The following COL5A2 variants were observed in gnomAD, a reference collection of about 807,000 sequenced individuals.
The protein encoded by COL5A2 is collagen alpha-2(V) chain.
In COL5A2, 23 loss-of-function variants were observed where a neutral mutation model predicts 208.2. That is an observed-to-expected ratio of 0.11 (90% confidence interval 0.08 to 0.16). The LOEUF (loss-of-function observed/expected upper bound fraction) is 0.16. COL5A2 is among the 10% of genes least tolerant of loss of function. COL5A2 has a pLI of 1.00. For missense variants in COL5A2, 1,590 were observed against 1,956.4 expected (o/e 0.81, Z 3.53); for synonymous variants, 625 against 628.5 (o/e 0.99, Z 0.08).
At chr2:189,259,703 G>C in the COL5A2 span, among the ~76,000 whole-genome samples, 114 of 152,318 alleles carry the variant, frequency 7.5e-4, 1 homozygote, top group Admixed American at 3.4e-3. Flanking sequence ...AGTAGACACA[G>C]ATACTAGGAG....
chr2:189,408,034 T>C, the COL5A2 span, among the ~76,000 whole-genome samples: 1 of 152,164 alleles, frequency 6.6e-6, no homozygotes, highest in Non-Finnish European at 1.5e-5. Flanking sequence ...CAAACCAAGA[T>C]TGAGTTGACT....
At chr2:189,198,827 G>C (rs1689038155) in intron 1 of COL5A2, among the ~76,000 whole-genome samples, 2 of 151,986 alleles carry the variant, frequency 1.3e-5, no homozygotes, top group Non-Finnish European at 2.9e-5. Flanking sequence ...CAACCTGAAA[G>C]GTAAACTAAA....
At chr2:189,247,174 G>T in the COL5A2 span, among the ~76,000 whole-genome samples, 1 of 152,138 alleles carries the variant, frequency 6.6e-6, no homozygotes, top group East Asian at 1.9e-4. Context: ...ACCAGTTGTG[G>T]CCTAAGAAGA....
At chr2:189,132,757 C>T (rs569883523) in intron 1 of COL5A2, among the ~76,000 whole-genome samples, 1 of 151,842 alleles carries the variant, frequency 6.6e-6, no homozygotes, top group East Asian at 2.0e-4. Context: ...CCCGTCTCTA[C>T]TAAAAATACA....
At chr2:189,212,506 G>A (rs1689226465) in intron 1 of COL5A2, among the ~76,000 whole-genome samples, 1 of 151,920 alleles carries the variant, frequency 6.6e-6, no homozygotes, top group African/African-American at 2.4e-5. Context: ...GGGCGTGGTG[G>A]TGGGCGCCTG....
the COL5A2 span, among the ~76,000 whole-genome samples, chr2:189,249,139 C>T: frequency 6.6e-6 from 1 of 152,214 alleles, no homozygotes; most frequent in Middle Eastern, 3.4e-3. Context: ...CATATATTAT[C>T]TCAGGATTAT....
the COL5A2 span, among the ~76,000 whole-genome samples, chr2:189,334,779 T>A: frequency 1.3e-5 from 2 of 151,952 alleles, no homozygotes; most frequent in African/African-American, 4.8e-5. Context: ...AAAGCAATGT[T>A]AAAAGAGAAC....
the COL5A2 span, among the ~76,000 whole-genome samples, chr2:189,440,987 G>A: frequency 6.6e-6 from 1 of 152,206 alleles, no homozygotes; most frequent in Non-Finnish European, 1.5e-5. Flanking sequence ...CGGCTAATGA[G>A]AGGAACAAAA....
intron 1 of COL5A2, among the ~76,000 whole-genome samples, chr2:189,133,585 G>C (rs1687768622): frequency 6.6e-6 from 1 of 152,138 alleles, no homozygotes. Context: ...GCTGCGAAAT[G>C]GAAAAAGGAA....
intron 2 of COL5A2, 151 bp from the exon 3 acceptor site, chr2:189,104,428 T>G (rs1434304329): frequency 7.9e-6 from 5 of 635,740 alleles, no homozygotes; most frequent in Non-Finnish European, 1.4e-5. Context: ...TTCAAAAGGT[T>G]TTGGATCAAT....
chr2:189,164,824 A>G (rs1209349276), intron 1 of COL5A2, among the ~76,000 whole-genome samples: 1 of 152,234 alleles, frequency 6.6e-6, no homozygotes, highest in Admixed American at 6.5e-5. Flanking sequence ...TCATGTTTAT[A>G]AAGAATTTAT....
At chr2:189,232,352 G>A in the COL5A2 span, among the ~76,000 whole-genome samples, 2 of 151,344 alleles carry the variant, frequency 1.3e-5, no homozygotes, top group Non-Finnish European at 2.9e-5. Context: ...ACCTCACATC[G>A]GGTAATAACA....
At chr2:189,416,627 G>C in the COL5A2 span, among the ~76,000 whole-genome samples, 1 of 152,024 alleles carries the variant, frequency 6.6e-6, no homozygotes, top group Non-Finnish European at 1.5e-5. Context: ...CGAGTTAATG[G>C]GTGCAGCACA....
In COL5A2 at chr2:189,085,658, T is replaced by C. The variant is rs549060899; in HGVS notation, c.744+61A>G. On this transcript the variant is annotated intron_variant, in intron 10 of 53. Transcript: ENST00000374866. The stretch of plus-strand genomic sequence containing the variant: ...CTGGGAAGATAAATAACTCAATATT[T>C]GACATCATTATAATGGTGGACCCAA... 76 of 1,381,796 alleles carry C rather than the reference T, an allele frequency of 5.5e-5. No individual in the cohort carries two copies. In the South Asian group the frequency reaches 8.0e-4, roughly 15 times the overall value. The allele number at this position is 1,381,796 out of a possible 1,614,324, so 85.6% of individuals were successfully genotyped here.
At chr2:189,260,417 A>G in the COL5A2 span, among the ~76,000 whole-genome samples, 1 of 152,162 alleles carries the variant, frequency 6.6e-6, no homozygotes, top group Non-Finnish European at 1.5e-5. Context: ...ATAATTAGTA[A>G]AGTCAGTCTC....
At chr2:189,295,061 C>T in the COL5A2 span, among the ~76,000 whole-genome samples, 2 of 152,106 alleles carry the variant, frequency 1.3e-5, no homozygotes, top group Non-Finnish European at 2.9e-5. Flanking sequence ...CTCTTGCCTC[C>T]ACCTCCCAAA....
Position 189,100,157 on chromosome 2 carries a change from A to T in COL5A2, c.337-18T>A. 6.2e-7 allele frequency: 1 copy of T among 1,606,584 alleles called. No homozygotes were observed. Among genetic ancestry groups the T allele is most frequent in the East Asian group, 2.2e-5 (1 of 44,714 alleles). On this transcript the variant is annotated intron_variant, in intron 3 of 53. Coordinates refer to ENST00000374866, the MANE Select transcript of COL5A2 (RefSeq NM_000393.5). The stretch of plus-strand genomic sequence containing the variant: ...TTTTGTCCCTGTGACATTAAAAACA[A>T]TTCAAAAATTCAATTAGCACAATAT...
At chr2:189,293,896 T>A in the COL5A2 span, among the ~76,000 whole-genome samples, 18 of 152,052 alleles carry the variant, frequency 1.2e-4, no homozygotes, top group South Asian at 2.1e-4. Context: ...CCATCCTGGC[T>A]AACACGGTGA....
chr2:189,380,050 A>C, the COL5A2 span, among the ~76,000 whole-genome samples: 142 of 152,048 alleles, frequency 9.3e-4, no homozygotes, highest in Non-Finnish European at 1.8e-3. Context: ...ATATATATAT[A>C]TATCTCAGCA....
Sources: allele counts gnomAD v4.1 joint callset (sites outside exome capture counted in the v4.1 genomes callset), GRCh38; gene constraint gnomAD v4.1.1; transcripts MANE v1.5; gene names NCBI Gene and HGNC (gene_info 2026-07-23, HGNC 2026-07-21).